MED16: variants seen among roughly 807,000 people sequenced by gnomAD.
The protein encoded by MED16 is mediator of RNA polymerase II transcription subunit 16.
MED16 carries 81 observed loss-of-function variants against 84.4 expected under a neutral mutation model. The ratio of observed to expected loss-of-function variants is 0.96; its 90% CI spans 0.80 to 1.15. The LOEUF is 1.15. Ranked by LOEUF, MED16 falls within the 50% of genes most tolerant of loss-of-function variation. MED16 has a pLI of 0.00. For missense variants in MED16, 1,585 were observed against 1,245.9 expected (o/e 1.27, Z -4.10); for synonymous variants, 897 against 552.2 (o/e 1.62, Z -8.76).
Position 874,238 on chromosome 19 carries a change from C to T in MED16, c.1772-656G>A, listed in dbSNP as rs1200207624. Among the ~76,000 whole-genome samples, 29 of 152,220 alleles carry T rather than the reference C, an allele frequency of 1.9e-4. 1 individual carries two copies. Among genetic ancestry groups the T allele is most frequent in the Non-Finnish European group, 2.5e-4 (17 of 67,996 alleles). ...ACGCCATTCTCCTGCCTCAGCCTCCCGAGTAGCTGGGACTACAGGCGCCCG... is the reference window on the plus strand; with the variant it reads ...ACGCCATTCTCCTGCCTCAGCCTCCTGAGTAGCTGGGACTACAGGCGCCCG... On this transcript the variant is annotated intron_variant, in intron 10 of 15. Transcript: ENST00000325464.
chr19:881,465 G>T, intron 7 of MED16, 94 bp downstream of exon 7: 1 of 1,429,886 alleles, frequency 7.0e-7, no homozygotes, highest in Non-Finnish European at 9.4e-7. Flanking sequence ...ACGTCCTCTG[G>T]TGTGAGCTCC....
At chr19:881,528 C>T (rs749419152) in intron 7 of MED16, 31 bp downstream of exon 7, 14 of 1,591,670 alleles carry the variant, frequency 8.8e-6, no homozygotes, top group Non-Finnish European at 1.2e-5. Context: ...TGAACTGAGG[C>T]CCCGCGTGGC....
chr19:882,806 G>A (rs962726246), intron 6 of MED16, among the ~76,000 whole-genome samples: 1 of 152,246 alleles, frequency 6.6e-6, no homozygotes, highest in Non-Finnish European at 1.5e-5. Context: ...GCTGCTCTGT[G>A]CCACCCGCAT....
At chr19:886,404 G>T (rs900987767) in intron 4 of MED16, among the ~76,000 whole-genome samples, 1 of 152,228 alleles carries the variant, frequency 6.6e-6, no homozygotes, top group Non-Finnish European at 1.5e-5. Flanking sequence ...TGGAAGGAAC[G>T]GCACCTTTGC....
intron 9 of MED16, 95 bp downstream of exon 9, chr19:876,879 G>A (rs1568324554): frequency 4.8e-6 from 6 of 1,259,846 alleles, no homozygotes; most frequent in African/African-American, 3.3e-5. Context: ...CTGCCACGGG[G>A]CCCCCACCTG....
In MED16 at chr19:884,974, A is replaced by G; in HGVS notation, c.914T>C (p.Ile305Thr). 1 of 1,608,074 alleles carries G rather than the reference A, an allele frequency of 6.2e-7. No individual in the cohort carries two copies. The highest frequency in any genetic ancestry group is 8.5e-7 in the Non-Finnish European group (1 of 1,178,964). ...LLCASSQTSS[I>T]VECWSLRKEG... ...CTTGCGCAGGGACCAGCACTCCACGATGCTGCTGGTCTGGCTGGACGCGCA... is the reference window on the plus strand; with the variant it reads ...CTTGCGCAGGGACCAGCACTCCACGGTGCTGCTGGTCTGGCTGGACGCGCA... Residue 305 changes from isoleucine to threonine, a missense_variant, in exon 6 of 16, where the codon ATC (isoleucine) becomes ACC (threonine). By Grantham distance (89) the Ile-to-Thr change is moderately conservative. Coordinates refer to ENST00000325464, the MANE Select transcript of MED16 (RefSeq NM_005481.3).
At chr19:872,255 G>A (rs891206) in intron 11 of MED16, 137 bp from the exon 12 acceptor site, 273,715 of 691,188 alleles carry the variant, frequency 0.4, 55,837 homozygotes, top group East Asian at 0.59. Context: ...CAGGACTGGG[G>A]TGCTTCTGGC....
intron 13 of MED16, among the ~76,000 whole-genome samples, chr19:870,637 C>G (rs1300355476): frequency 6.6e-6 from 1 of 150,830 alleles, no homozygotes; most frequent in African/African-American, 2.4e-5. Flanking sequence ...GTTCGTGACA[C>G]AGCAGAAGAC....
At chr19:870,780 G>A (rs1016589095) in intron 13 of MED16, among the ~76,000 whole-genome samples, 7 of 148,896 alleles carry the variant, frequency 4.7e-5, no homozygotes, top group Admixed American at 3.3e-4. Context: ...GGAGCCGTGT[G>A]GATTCGGGGG....
rs975082414 is a variant in MED16 at position 875,271 on chromosome 19, C to T, written c.1744G>A (p.Glu582Lys). 4.5e-5 allele frequency: 73 copies of T among 1,610,746 alleles called. No homozygotes were observed. Among genetic ancestry groups the T allele is most frequent in the Non-Finnish European group, 5.9e-5 (70 of 1,179,512 alleles). Residue 582 changes from glutamate (E) to lysine (K), a missense_variant, in exon 10 of 16, where the codon GAG (glutamate) becomes AAG (lysine). Glu to Lys is a moderately conservative substitution (Grantham distance 56). Coordinates refer to ENST00000325464, the MANE Select transcript of MED16 (RefSeq NM_005481.3). ...ACGTCGGTGATCTTGGTGCAGATCT[C>T]GGTCAGCCGGTCGCCGGGGCTCTTG... The part of the protein sequence containing the change: ...PDKSPGDRLT[E>K]ICTKITDVDI...
intron 6 of MED16, 110 bp downstream of exon 6, chr19:884,793 G>A (rs1044473759): frequency 3.8e-6 from 3 of 794,910 alleles, no homozygotes; most frequent in South Asian, 1.5e-5. Flanking sequence ...GATCGCTTAG[G>A]GCCGGGGTTC....
chr19:884,263 G>A (rs1489582582), intron 6 of MED16, among the ~76,000 whole-genome samples: 1 of 152,200 alleles, frequency 6.6e-6, no homozygotes, highest in African/African-American at 2.4e-5. Context: ...CGGCTGTTCT[G>A]GTCCCCGGTC....
In MED16 at chr19:877,043, G is replaced by A; in HGVS notation, c.1491C>T (p.Pro497=). 6.2e-7 allele frequency: 1 copy of A among 1,612,580 alleles called. No homozygotes were observed. Among genetic ancestry groups the A allele is most frequent in the Non-Finnish European group, 8.5e-7 (1 of 1,179,898 alleles). ...TCTCCACCAGGCTCTGTACCATACTGGGCTGCACGTGCAGCAGGATGTCCC... is the reference window on the plus strand; with the variant it reads ...TCTCCACCAGGCTCTGTACCATACTAGGCTGCACGTGCAGCAGGATGTCCC... ...DWWDILLHVQ[P]SMVQSLVEKL... Residue 497 remains proline, a synonymous_variant, in exon 9 of 16, where the codon CCC becomes CCT. Transcript: ENST00000325464.
chr19:875,646 G>A (rs1481814843), intron 9 of MED16, among the ~76,000 whole-genome samples, 192 bp from the exon 10 acceptor site: 1 of 152,230 alleles, frequency 6.6e-6, no homozygotes, highest in African/African-American at 2.4e-5. Context: ...CCAGGTGCTG[G>A]GTTCTCAGCT....
intron 1 of MED16, among the ~76,000 whole-genome samples, chr19:891,470 G>A (rs2036630436): frequency 6.6e-6 from 1 of 152,202 alleles, no homozygotes; most frequent in Non-Finnish European, 1.5e-5. Context: ...AGACGCAGCG[G>A]AGGGTCTGCG....
chr19:885,867 G>A lies in MED16; in HGVS notation c.782C>T (p.Pro261Leu), dbSNP rs932803123. ...EKCRIDTEIL[P>L]SLFMRCTTDL... ...GGTGGTGCAGCGCATGAACAGGGAG[G>A]GCAGGATCTCCGTGTCGATACGGCA... is the stretch of plus-strand genomic sequence containing the variant. The change falls in exon 5 of 16, where the codon CCC (proline) becomes CTC (leucine). Residue 261 changes from proline (P) to leucine (L), a missense_variant. Coordinates refer to ENST00000325464, the MANE Select transcript of MED16 (RefSeq NM_005481.3). 11 of 1,613,672 alleles carry A rather than the reference G, an allele frequency of 6.8e-6. No homozygotes were observed. The Admixed American group carries it at 8.3e-5, about 12-fold the overall frequency.
chr19:871,683 A>C, intron 12 of MED16: 9 of 1,513,992 alleles, frequency 5.9e-6, no homozygotes, highest in Non-Finnish European at 7.2e-6. Context: ...AGCAGATATC[A>C]AGGCAGAGCC....
intron 10 of MED16, 70 bp from the exon 11 acceptor site, chr19:873,652 G>A (rs574003652): frequency 1.9e-5 from 30 of 1,574,846 alleles, no homozygotes; most frequent in Admixed American, 6.7e-5. Context: ...TGCACCCCTC[G>A]GTCCTTCGAC....
rs564487407 is a variant in MED16 at position 876,018 on chromosome 19, C to T, written c.1561-564G>A. Among the ~76,000 whole-genome samples, 4 of 152,332 alleles carry T rather than the reference C, an allele frequency of 2.6e-5. No individual in the cohort carries two copies. The South Asian group carries it at 8.3e-4, about 32-fold the overall frequency. ...AGCGACGGCCCAAGGAGGGAGAGGGCGAGGTCTCGCCATCACTAGCGCTGT... is the reference window on the plus strand; with the variant it reads ...AGCGACGGCCCAAGGAGGGAGAGGGTGAGGTCTCGCCATCACTAGCGCTGT... On this transcript the variant is annotated intron_variant, in intron 9 of 15. Coordinates refer to ENST00000325464, the MANE Select transcript of MED16 (RefSeq NM_005481.3).
Sources: gnomAD v4.1 joint callset for allele counts (sites outside exome capture counted in the v4.1 genomes callset) on GRCh38, gnomAD v4.1.1 for gene constraint, MANE v1.5 for transcripts, NCBI Gene and HGNC (gene_info 2026-07-23, HGNC 2026-07-21) for gene names.